The following LDB2 variants were observed in gnomAD, a reference collection of about 807,000 sequenced individuals.
The protein encoded by LDB2 is LIM domain-binding protein 2.
In LDB2, 12 loss-of-function variants were observed where a neutral mutation model predicts 44.3. The ratio of observed to expected loss-of-function variants is 0.27; its 90% CI spans 0.17 to 0.44. The LOEUF (loss-of-function observed/expected upper bound fraction) is 0.44. Ranked by LOEUF, LDB2 falls within the 20% of genes least tolerant of loss-of-function variation. The probability of loss-of-function intolerance (pLI) is 1.00; values close to 1 mark genes in which losing one functional copy is unlikely to be tolerated. For missense variants in LDB2, 344 were observed against 473.5 expected, an observed-to-expected ratio of 0.73 and a Z score of 2.54; for synonymous variants, 164 against 174.8, an observed-to-expected ratio of 0.94 and a Z score of 0.49.
chr4:16,784,685 G>A (rs770036196), intron 1 of LDB2, among the ~76,000 whole-genome samples: 4 of 152,164 alleles, frequency 2.6e-5, no homozygotes, highest in Non-Finnish European at 5.9e-5. Flanking sequence ...GGAGAAGAAA[G>A]TTCAAATTCC....
At chr4:16,687,771 AG>A (rs1303613623) in intron 2 of LDB2, among the ~76,000 whole-genome samples, 1 of 152,186 alleles carries the variant, frequency 6.6e-6, no homozygotes, top group African/African-American at 2.4e-5. Context: ...ATCAGGAAAA[AG>A]GCTAACATGT....
chr4:16,615,846 T>A (rs575164870), intron 2 of LDB2, among the ~76,000 whole-genome samples: 1 of 152,168 alleles, frequency 6.6e-6, no homozygotes, highest in South Asian at 2.1e-4. Flanking sequence ...GGCCATGGGG[T>A]CAAGAGTGGG....
intron 1 of LDB2, among the ~76,000 whole-genome samples, chr4:16,780,619 T>G (rs1460628505): frequency 2.6e-5 from 4 of 152,168 alleles, no homozygotes; most frequent in African/African-American, 9.7e-5. Flanking sequence ...GACGCTGTAT[T>G]TGTGTATCAG....
chr4:16,515,304 A>T (rs1723222283), intron 5 of LDB2, among the ~76,000 whole-genome samples: 2 of 152,236 alleles, frequency 1.3e-5, no homozygotes, highest in African/African-American at 4.8e-5. Flanking sequence ...GAGGGTTGAA[A>T]AACTACCTAT....
intron 4 of LDB2, among the ~76,000 whole-genome samples, 170 bp downstream of exon 4, chr4:16,588,540 G>T (rs1717806521): frequency 6.6e-6 from 1 of 152,116 alleles, no homozygotes; most frequent in South Asian, 2.1e-4. Context: ...GGGAGAAAAG[G>T]GCCTGTGGAT....
At chr4:16,646,555 T>C (rs1400736200) in intron 2 of LDB2, among the ~76,000 whole-genome samples, 2 of 152,178 alleles carry the variant, frequency 1.3e-5, no homozygotes, top group Non-Finnish European at 2.9e-5. Flanking sequence ...ATAAGAAGAA[T>C]ATGGCCTGGG....
chr4:16,612,386 G>T (rs1414679971), intron 2 of LDB2, among the ~76,000 whole-genome samples: 1 of 149,818 alleles, frequency 6.7e-6, no homozygotes, highest in African/African-American at 2.5e-5. Flanking sequence ...GAAGGAGACA[G>T]AGACACGAAA....
chr4:16,571,446 A>G (rs1399439838), intron 5 of LDB2, among the ~76,000 whole-genome samples: 1 of 134,364 alleles, frequency 7.4e-6, no homozygotes, highest in Non-Finnish European at 1.7e-5. Flanking sequence ...ATCTGTGGGC[A>G]ATTCGGCAAA....
intron 1 of LDB2, among the ~76,000 whole-genome samples, chr4:16,818,423 A>C (rs965364178): frequency 2.6e-5 from 4 of 152,224 alleles, no homozygotes; most frequent in African/African-American, 9.6e-5. Context: ...TGAATCTGTG[A>C]TCATCCTACT....
intron 1 of LDB2, among the ~76,000 whole-genome samples, chr4:16,851,788 C>T (rs77472226): frequency 0.019 from 2,827 of 152,178 alleles, 37 homozygotes; most frequent in Non-Finnish European, 0.029. Flanking sequence ...CAGAGACAGT[C>T]TTTTCCAAAC....
chr4:16,580,168 G>C (rs1344637127), intron 5 of LDB2, among the ~76,000 whole-genome samples: 1 of 152,182 alleles, frequency 6.6e-6, no homozygotes, highest in East Asian at 1.9e-4. Context: ...TGGATTAACT[G>C]TAGGTGGTTC....
At chr4:16,592,505 T>TATATATACACAC (rs757702164) in intron 3 of LDB2, among the ~76,000 whole-genome samples, 26 of 108,032 alleles carry the variant, frequency 2.4e-4, no homozygotes, top group African/African-American at 6.8e-4. Flanking sequence ...TATATATATA[T>TATATATACACAC]ACACACACAC....
chr4:16,636,435 G>A (rs1299605474), intron 2 of LDB2, among the ~76,000 whole-genome samples: 1 of 152,146 alleles, frequency 6.6e-6, no homozygotes, highest in Non-Finnish European at 1.5e-5. Flanking sequence ...GTAGGCCCAC[G>A]GTATCATACC....
intron 2 of LDB2, among the ~76,000 whole-genome samples, chr4:16,674,634 C>G (rs1745763875): frequency 6.6e-6 from 1 of 152,198 alleles, no homozygotes; most frequent in South Asian, 2.1e-4. Context: ...AGCCAGGATT[C>G]AAACACTGGT....
intron 5 of LDB2, among the ~76,000 whole-genome samples, chr4:16,562,442 C>G (rs970593146): frequency 5.3e-5 from 8 of 152,282 alleles, no homozygotes; most frequent in South Asian, 2.1e-4. Flanking sequence ...AGACATTTAT[C>G]CAGCCAACAG....
In LDB2 at chr4:16,589,909, C is replaced by T. The variant is rs1718310418; in HGVS notation, c.409-1077G>A. Among the ~76,000 whole-genome samples the T allele has an allele frequency of 2.0e-5, 3 of 152,112 alleles. No individual in the cohort carries two copies. In the South Asian group the frequency reaches 6.2e-4, roughly 32 times the overall value. On this transcript the variant is annotated intron_variant, in intron 3 of 7. Coordinates refer to ENST00000304523, the MANE Select transcript of LDB2 (RefSeq NM_001290.5). The stretch of plus-strand genomic sequence containing the variant: ...AAATTCCCCAAATTCCAGTTTTTCT[C>T]ACTGTAAAATGGAAATAGAAATATC...
chr4:16,823,999 C>T (rs1348732209), intron 1 of LDB2, among the ~76,000 whole-genome samples: 1 of 152,192 alleles, frequency 6.6e-6, no homozygotes, highest in Non-Finnish European at 1.5e-5. Flanking sequence ...CACCACATCA[C>T]AACACAAGTT....
chr4:16,764,764 C>T (rs1768824196), intron 1 of LDB2, among the ~76,000 whole-genome samples: 1 of 152,170 alleles, frequency 6.6e-6, no homozygotes, highest in African/African-American at 2.4e-5. Context: ...TGCGGAAGTA[C>T]CACAAAAATG....
chr4:16,676,461 T>C (rs1874514), intron 2 of LDB2, among the ~76,000 whole-genome samples: 87,457 of 152,104 alleles, frequency 0.57, 25,163 homozygotes, highest in South Asian at 0.63. Context: ...ACCCTGGGGA[T>C]CTGGCCTGGA....
Sources: gnomAD v4.1 joint callset for allele counts (sites outside exome capture counted in the v4.1 genomes callset) on GRCh38, gnomAD v4.1.1 for gene constraint, MANE v1.5 for transcripts, NCBI Gene and HGNC (gene_info 2026-07-23, HGNC 2026-07-21) for gene names.